The following ZBTB20 variants were observed in gnomAD, a reference collection of about 807,000 sequenced individuals.
ZBTB20 encodes zinc finger and BTB domain containing 20.
Under a neutral mutation model 56.9 loss-of-function variants are expected in ZBTB20, and 9 were observed. The ratio of observed to expected loss-of-function variants is 0.16; its 90% confidence interval spans 0.10 to 0.28. The LOEUF is 0.28. Among genes scored for constraint, ZBTB20 ranks in the 10% least tolerant of loss-of-function variants. ZBTB20 has a pLI of 1.00. For synonymous variants in ZBTB20, 417 were observed against 420.7 expected (o/e 0.99, Z 0.11); for missense variants, 655 against 1,003.0 (o/e 0.65, Z 4.69).
At chr3:115,004,909 T>C (rs941049505) in intron 2 of ZBTB20, among the ~76,000 whole-genome samples, 1 of 151,802 alleles carries the variant, frequency 6.6e-6, no homozygotes, top group Non-Finnish European at 1.5e-5. Flanking sequence ...TTCATTTATA[T>C]ACAGTTCATG....
chr3:114,568,272 C>A (rs2053021413), intron 6 of ZBTB20, among the ~76,000 whole-genome samples: 1 of 152,140 alleles, frequency 6.6e-6, no homozygotes, highest in Non-Finnish European at 1.5e-5. Context: ...CTGTCCCTCT[C>A]CCCCCACGAA....
In ZBTB20 at chr3:114,323,605, A is replaced by G. The variant is rs188412581; in HGVS notation, c.*15400T>C. Reference sequence around the variant, plus strand: ...AGGAGGCCAAGGCAAAGACTTCTACATCATATCAATTGGCTTCTTCACTGT... The same window carrying G: ...AGGAGGCCAAGGCAAAGACTTCTACGTCATATCAATTGGCTTCTTCACTGT... On this transcript the variant is annotated 3_prime_UTR_variant, in exon 12 of 12. Coordinates refer to ENST00000675478, the MANE Select transcript of ZBTB20 (RefSeq NM_001348800.3). 2.0e-5 allele frequency: 3 copies of G among 152,350 alleles called. No homozygotes were observed. In the East Asian group the frequency reaches 5.8e-4, roughly 29 times the overall value. 9.4% of individuals were successfully genotyped at this position (152,350 alleles called of 1,614,324 possible). A position where few individuals can be genotyped will look rare whatever the true frequency, so the allele number is the denominator to read the frequency against.
intron 1 of ZBTB20, among the ~76,000 whole-genome samples, chr3:115,118,703 ATTTTTTTTTTTTT>A (rs35607205): frequency 3.6e-3 from 294 of 82,250 alleles, no homozygotes; most frequent in African/African-American, 0.014. Flanking sequence ...CCTGGTACAA[ATTTTTTTTTTTTT>A]TTTTTTTTTT....
rs931630479 is a variant in ZBTB20 at position 114,330,580 on chromosome 3, A to G, written c.*8425T>C. ...GTTTTTCCAGTAAAAAGAAATACCT[A>G]TGGTTACAGTTACAGACTTCTTTTG... On this transcript the variant is annotated 3_prime_UTR_variant, in exon 12 of 12. Transcript: ENST00000675478. 6.6e-6 allele frequency: 1 copy of G among 152,358 alleles called. No individual in the cohort carries two copies. Among genetic ancestry groups the G allele is most frequent in the African/African-American group, 2.4e-5 (1 of 41,594 alleles). 9.4% of individuals were successfully genotyped at this position (152,358 alleles called of 1,614,324 possible).
chr3:114,539,903 C>CTTT (rs11288043), intron 6 of ZBTB20, among the ~76,000 whole-genome samples: 3 of 143,494 alleles, frequency 2.1e-5, no homozygotes, highest in South Asian at 2.2e-4. Context: ...TTCAACCCAC[C>CTTT]TTTTTTTTTT....
chr3:114,341,376 C>T (rs2079750700), intron 11 of ZBTB20, among the ~76,000 whole-genome samples: 1 of 152,138 alleles, frequency 6.6e-6, no homozygotes, highest in African/African-American at 2.4e-5. Context: ...TCTTTGCTAT[C>T]CTCATGCTTT....
chr3:114,316,305 A>G lies in ZBTB20; in HGVS notation c.*22700T>C. 2.6e-6 allele frequency: 1 copy of G among 378,404 alleles called. No individual in the cohort carries two copies. The allele number at this position is 378,404 out of a possible 1,614,324, so 23.4% of individuals were successfully genotyped here. ...GTTACAATCCATTCTTTATGAACAT[A>G]CAGAAATGACCAAAGTCACTGCAAG... On this transcript the variant is annotated 3_prime_UTR_variant, in exon 12 of 12. Transcript: ENST00000675478.
intron 4 of ZBTB20, among the ~76,000 whole-genome samples, chr3:114,887,946 T>A (rs2076661516): frequency 6.6e-6 from 1 of 151,982 alleles, no homozygotes; most frequent in Non-Finnish European, 1.5e-5. Flanking sequence ...TTTCTGGTAG[T>A]AGTAAGCCTC....
chr3:115,034,300 ACATAT>A (rs1317099683), intron 2 of ZBTB20, among the ~76,000 whole-genome samples: 3 of 151,758 alleles, frequency 2.0e-5, no homozygotes, highest in Admixed American at 1.3e-4. Flanking sequence ...ATCTCTGTTC[ACATAT>A]CATATGATCT....
chr3:114,521,457 A>G (rs746208055), intron 6 of ZBTB20, among the ~76,000 whole-genome samples: 1 of 152,196 alleles, frequency 6.6e-6, no homozygotes, highest in Non-Finnish European at 1.5e-5. Flanking sequence ...TAGCCTGATA[A>G]AGGTAGACAA....
chr3:114,940,331 G>A (rs1047248737), intron 3 of ZBTB20, among the ~76,000 whole-genome samples: 9 of 145,766 alleles, frequency 6.2e-5, no homozygotes, highest in Admixed American at 6.6e-5. Flanking sequence ...AAGTGACAAT[G>A]TAATTGCAAT....
chr3:114,752,634 T>C (rs1307647809), intron 5 of ZBTB20, among the ~76,000 whole-genome samples: 2 of 152,210 alleles, frequency 1.3e-5, no homozygotes, highest in South Asian at 2.1e-4. Context: ...TTCAGGACTT[T>C]ACTTAAAAAA....
chr3:114,505,316 GA>G (rs1250918197), intron 6 of ZBTB20, among the ~76,000 whole-genome samples: 4 of 151,674 alleles, frequency 2.6e-5, no homozygotes, highest in Non-Finnish European at 5.9e-5. Context: ...TAGTGCAATT[GA>G]AAAAAAGGGA....
chr3:114,447,075 T>G (rs2091317650), intron 7 of ZBTB20, among the ~76,000 whole-genome samples: 1 of 152,174 alleles, frequency 6.6e-6, no homozygotes, highest in Non-Finnish European at 1.5e-5. Context: ...TCTGTGGCAA[T>G]TATTCATTTC....
intron 5 of ZBTB20, among the ~76,000 whole-genome samples, chr3:114,771,842 C>T (rs551813437): frequency 6.6e-6 from 1 of 152,264 alleles, no homozygotes; most frequent in South Asian, 2.1e-4. Context: ...TTAGAACTTT[C>T]CTCTTCATTT....
Position 114,339,783 on chromosome 3 carries a change from G to C in ZBTB20, c.1805-357C>G, listed in dbSNP as rs911031521. 6.6e-6 allele frequency among the ~76,000 whole-genome samples: 1 copy of C among 152,172 alleles called. No homozygotes were observed. The highest frequency in any genetic ancestry group is 2.4e-5 in the African/African-American group (1 of 41,452). ...GTCACTTTCAGTGTCCTGATTAGGG[G>C]ATTTAGTGTTTCCCATTAACATTAT... On this transcript the variant is annotated intron_variant, in intron 11 of 11. Transcript: ENST00000675478. The surrounding 1 kb of genome is among the most constrained non-coding windows in gnomAD (Gnocchi z 4.2).
intron 5 of ZBTB20, among the ~76,000 whole-genome samples, chr3:114,725,917 T>C (rs563063377): frequency 8.5e-5 from 13 of 152,322 alleles, no homozygotes; most frequent in African/African-American, 2.4e-4. Flanking sequence ...CAGGGTAAGC[T>C]ACCGAAGATC....
chr3:114,950,487 A>C (rs2077028573), intron 3 of ZBTB20, among the ~76,000 whole-genome samples: 1 of 152,082 alleles, frequency 6.6e-6, no homozygotes, highest in Non-Finnish European at 1.5e-5. Context: ...AGATGATAAA[A>C]TTTGGGCTGC....
intron 5 of ZBTB20, among the ~76,000 whole-genome samples, chr3:114,726,605 C>A (rs1329578645): frequency 3.3e-5 from 5 of 152,118 alleles, no homozygotes; most frequent in Admixed American, 1.3e-4. Context: ...ACTTGGAGAA[C>A]CACTGCTTTA....
Sources: allele counts gnomAD v4.1 joint callset (sites outside exome capture counted in the v4.1 genomes callset), GRCh38; gene constraint gnomAD v4.1.1; non-coding constraint Gnocchi (gnomAD v3.1); transcripts MANE v1.5; gene names NCBI Gene and HGNC (gene_info 2026-07-23, HGNC 2026-07-21).